The following RYR2 variants were observed in gnomAD, a reference collection of about 807,000 sequenced individuals.
RYR2 encodes the protein cardiac muscle ryanodine receptor-calcium release channel.
Under a neutral mutation model 601.1 loss-of-function variants are expected in RYR2, and 227 were observed. That is an observed-to-expected ratio of 0.38 (90% CI 0.34 to 0.42). The LOEUF is 0.42. RYR2 is among the 10% of genes least tolerant of loss of function. The probability of loss-of-function intolerance (pLI) is 1.00; values close to 1 mark genes in which losing one functional copy is unlikely to be tolerated. For synonymous variants in RYR2, 2,223 were observed against 2,175.1 expected, an observed-to-expected ratio of 1.02 and a Z score of -0.61; for missense variants, 4,646 against 6,156.5, an observed-to-expected ratio of 0.75 and a Z score of 8.21.
chr1:237,456,503 G>A (rs999777680), intron 15 of RYR2, 97 bp from the exon 16 acceptor site: 63 of 1,311,094 alleles, frequency 4.8e-5, no homozygotes, highest in Non-Finnish European at 6.3e-5. Context: ...CCTTCAGTCA[G>A]ACTTCTATTT....
At chr1:237,473,512 G>A (rs12021902) in intron 17 of RYR2, among the ~76,000 whole-genome samples, 66,590 of 145,492 alleles carry the variant, frequency 0.46, 17,069 homozygotes, top group East Asian at 0.68. Context: ...AGATCTGTCC[G>A]TCCAATAATT....
intron 14 of RYR2, among the ~76,000 whole-genome samples, chr1:237,453,622 G>A (rs6429018): frequency 0.52 from 79,210 of 151,912 alleles, 22,094 homozygotes; most frequent in East Asian, 0.74. Context: ...CAGTAGAGAT[G>A]TTGTCCCATT....
chr1:237,556,518 C>A lies in RYR2; in HGVS notation c.3214+5827C>A, dbSNP rs977631769. 2.0e-5 allele frequency among the ~76,000 whole-genome samples: 3 copies of A among 148,214 alleles called. No individual in the cohort carries two copies. In the South Asian group the frequency reaches 6.4e-4, roughly 32 times the overall value. On this transcript the variant is annotated intron_variant, in intron 27 of 104. Coordinates refer to ENST00000366574, the MANE Select transcript of RYR2 (RefSeq NM_001035.3). ...TAGAGGCGGGGTTTCACCATATTGGCCAGGCTGGTCTTGAACTCCTGATGT... is the reference window on the plus strand; with the variant it reads ...TAGAGGCGGGGTTTCACCATATTGGACAGGCTGGTCTTGAACTCCTGATGT...
At chr1:237,177,730 A>G (rs1678214202) in intron 1 of RYR2, among the ~76,000 whole-genome samples, 1 of 152,194 alleles carries the variant, frequency 6.6e-6, no homozygotes, top group African/African-American at 2.4e-5. Context: ...TTTAAAAACC[A>G]TGCTGCTATG....
chr1:237,170,340 CAT>C (rs1677214511), intron 1 of RYR2, among the ~76,000 whole-genome samples: 1 of 152,154 alleles, frequency 6.6e-6, no homozygotes, highest in Admixed American at 6.5e-5. Flanking sequence ...GGAAGCTCCA[CAT>C]GTTTGAAGGC....
intron 4 of RYR2, among the ~76,000 whole-genome samples, chr1:237,356,296 T>C (rs1021503835): frequency 1.0e-4 from 15 of 148,146 alleles, no homozygotes; most frequent in African/African-American, 5.0e-5. Context: ...ACTGTCTGTA[T>C]ATCTTCTGCA....
At chr1:237,129,907 A>G (rs1451117898) in intron 1 of RYR2, among the ~76,000 whole-genome samples, 1 of 152,270 alleles carries the variant, frequency 6.6e-6, no homozygotes, top group African/African-American at 2.4e-5. Context: ...AGAAATGACT[A>G]GTACAATGGT....
At chr1:237,093,539 A>C (rs1302166750) in intron 1 of RYR2, among the ~76,000 whole-genome samples, 1 of 152,200 alleles carries the variant, frequency 6.6e-6, no homozygotes, top group Non-Finnish European at 1.5e-5. Context: ...GCCTGGGCTC[A>C]GGTGACTGGA....
intron 12 of RYR2, among the ~76,000 whole-genome samples, chr1:237,439,743 C>T (rs956060280): frequency 6.6e-6 from 1 of 151,676 alleles, no homozygotes; most frequent in Non-Finnish European, 1.5e-5. Flanking sequence ...AGCATAATTT[C>T]ACAATTAATG....
intron 17 of RYR2, among the ~76,000 whole-genome samples, chr1:237,483,587 T>C (rs1982645): frequency 0.63 from 96,045 of 152,032 alleles, 32,509 homozygotes; most frequent in African/African-American, 0.89. Flanking sequence ...CCCCATTAAA[T>C]TTTGTAAATA....
At chr1:237,179,386 G>A (rs1359667123) in intron 1 of RYR2, among the ~76,000 whole-genome samples, 1 of 151,768 alleles carries the variant, frequency 6.6e-6, no homozygotes, top group Non-Finnish European at 1.5e-5. Flanking sequence ...TCAGAAGTTA[G>A]TATCAGATTT....
intron 1 of RYR2, among the ~76,000 whole-genome samples, chr1:237,122,830 G>A (rs1353481486): frequency 6.9e-6 from 1 of 144,264 alleles, no homozygotes; most frequent in African/African-American, 2.6e-5. Context: ...TAAGCTATTT[G>A]TAAATGTGTC....
At chr1:237,731,003 A>G (rs1194998301) in intron 77 of RYR2, among the ~76,000 whole-genome samples, 1 of 152,180 alleles carries the variant, frequency 6.6e-6, no homozygotes, top group Non-Finnish European at 1.5e-5. Context: ...ATGATTCCCA[A>G]GATAAAGACA....
chr1:237,230,384 C>T (rs1025894457), intron 1 of RYR2, among the ~76,000 whole-genome samples: 2 of 152,152 alleles, frequency 1.3e-5, no homozygotes, highest in African/African-American at 4.8e-5. Flanking sequence ...TCCTGGAAAA[C>T]AGACAAAGCA....
chr1:237,717,336 C>G lies in RYR2; in HGVS notation c.10462C>G (p.Leu3488Val), dbSNP rs1689349498. The change falls in exon 72 of 105, where the codon CTC (leucine) becomes GTC (valine). Residue 3488 changes from leucine to valine, a missense_variant. By Grantham distance (32) the Leu-to-Val change is conservative. Coordinates refer to ENST00000366574, the MANE Select transcript of RYR2 (RefSeq NM_001035.3). ...LNICAPGDQE[L>V]IALAKNRFSL... is the part of the protein sequence containing the mutation. The stretch of plus-strand genomic sequence containing the variant: ...CATCTGTGCCCCTGGGGACCAGGAG[C>G]TCATTGCTCTGGCCAAAAATCGATT... The G allele has an allele frequency of 6.2e-7, 1 of 1,608,870 alleles. No individual in the cohort carries two copies. Among genetic ancestry groups the G allele is most frequent in the Non-Finnish European group, 8.5e-7 (1 of 1,176,918 alleles).
intron 62 of RYR2, among the ~76,000 whole-genome samples, chr1:237,681,502 A>G (rs193301150): frequency 2.0e-5 from 3 of 152,286 alleles, no homozygotes; most frequent in African/African-American, 7.2e-5. Context: ...CTATTTTACC[A>G]AGTAGCAAGT....
rs2102829690 is a variant in RYR2 at position 237,819,479 on chromosome 1, A to G, written c.14590+287A>G. Among the ~76,000 whole-genome samples the G allele has an allele frequency of 6.6e-6, 1 of 152,318 alleles. No individual in the cohort carries two copies. The highest frequency in any genetic ancestry group is 2.1e-4 in the South Asian group (1 of 4,826). Reference sequence around the variant, plus strand: ...CTCACCTCTGGGTTTCAGACTCATGAACCCCAGCTTTACAATCTTGGGTGG... The same window carrying G: ...CTCACCTCTGGGTTTCAGACTCATGGACCCCAGCTTTACAATCTTGGGTGG... On this transcript the variant is annotated intron_variant, in intron 101 of 104. Transcript: ENST00000366574. This position sits in a 1 kb window ranked among gnomAD's most constrained non-coding sequence, Gnocchi z 4.0.
At chr1:237,313,044 T>C (rs979291780) in intron 2 of RYR2, among the ~76,000 whole-genome samples, 3 of 152,176 alleles carry the variant, frequency 2.0e-5, no homozygotes, top group African/African-American at 7.2e-5. Context: ...TTCAGTTGCA[T>C]AGCATTCATA....
chr1:237,561,271 G>T (rs914426468), intron 27 of RYR2, among the ~76,000 whole-genome samples: 1 of 152,170 alleles, frequency 6.6e-6, no homozygotes, highest in Non-Finnish European at 1.5e-5. Flanking sequence ...TACAGTAGAA[G>T]CTGAGATTAT....
Sources: gnomAD v4.1 joint callset for allele counts (sites outside exome capture counted in the v4.1 genomes callset) on GRCh38, gnomAD v4.1.1 for gene constraint, Gnocchi (gnomAD v3.1) non-coding constraint, MANE v1.5 for transcripts, NCBI Gene and HGNC (gene_info 2026-07-23, HGNC 2026-07-21) for gene names.